RAD51C: variants seen among roughly 807,000 people sequenced by gnomAD.
The protein encoded by RAD51C is DNA repair protein RAD51 homolog 3.
Under a neutral mutation model 45.0 loss-of-function variants are expected in RAD51C, and 42 were observed. That is an observed-to-expected ratio of 0.93 (90% CI 0.73 to 1.21). RAD51C has a LOEUF of 1.21. Among genes scored for constraint, RAD51C ranks in the 50% most tolerant of loss-of-function variants. The pLI is 0.00. For missense variants in RAD51C, 474 were observed against 452.2 expected (o/e 1.05, Z -0.44); for synonymous variants, 172 against 159.8 (o/e 1.08, Z -0.58).
chr17:58,720,415 CA>C (rs1005727682), intron 5 of RAD51C, among the ~76,000 whole-genome samples: 45 of 110,442 alleles, frequency 4.1e-4, no homozygotes, highest in African/African-American at 7.5e-4. Flanking sequence ...GACTCTGTCT[CA>C]AAAAAAAAAA....
At chr17:58,717,836 G>T (rs914492383) in intron 5 of RAD51C, among the ~76,000 whole-genome samples, 10 of 152,188 alleles carry the variant, frequency 6.6e-5, no homozygotes, top group African/African-American at 2.4e-4. Context: ...ATGCCCTGTG[G>T]CATGTAAGGG....
At chr17:58,732,219 A>C in intron 7 of RAD51C, 1 of 355,424 alleles carries the variant, frequency 2.8e-6, no homozygotes, top group South Asian at 3.7e-5. Context: ...TAGCATAAGT[A>C]ATATCTCATC....
chr17:58,713,662 G>A, intron 5 of RAD51C, among the ~76,000 whole-genome samples: 1 of 152,044 alleles, frequency 6.6e-6, no homozygotes, highest in Non-Finnish European at 1.5e-5. Context: ...ACAAAAATTA[G>A]CCAGGTGTGT....
Position 58,692,652 on chromosome 17 carries a change from G to T in RAD51C, c.9G>T (p.Gly3=), listed in dbSNP as rs751117852. ...TAGCAGGTGAGCCTGCGATGCGCGG[G>T]AAGACGTTCCGCTTTGAAATGCAGC... MR[G]KTFRFEMQRD... Residue 3 remains glycine, a synonymous_variant, in exon 1 of 9, where the codon GGG becomes GGT. Transcript: ENST00000337432. 1.2e-6 allele frequency: 2 copies of T among 1,614,188 alleles called. No homozygotes were observed. The highest frequency in any genetic ancestry group is 1.3e-5 in the African/African-American group (1 of 75,068).
In RAD51C at chr17:58,703,275, A is replaced by T. The variant is rs757915374; in HGVS notation, c.651A>T (p.Thr217=). 1.2e-6 allele frequency: 2 copies of T among 1,610,400 alleles called. No individual in the cohort carries two copies. Among genetic ancestry groups the T allele is most frequent in the Non-Finnish European group, 1.7e-6 (2 of 1,176,734 alleles). The change falls in exon 4 of 9, where the codon ACA becomes ACT. Residue 217 remains threonine (T), a synonymous_variant. Coordinates refer to ENST00000337432, the MANE Select transcript of RAD51C (RefSeq NM_058216.3). ...HIYYFRCRDY[T]ELLAQVYLLP... ...ATTATTTTCGCTGTCGTGACTACACAGAGTTACTGGCACAAGTTTATCTTC... is the reference window on the plus strand; with the variant it reads ...ATTATTTTCGCTGTCGTGACTACACTGAGTTACTGGCACAAGTTTATCTTC...
intron 7 of RAD51C, among the ~76,000 whole-genome samples, chr17:58,726,758 A>G (rs1259874137): frequency 2.0e-5 from 3 of 152,094 alleles, no homozygotes; most frequent in Non-Finnish European, 4.4e-5. Flanking sequence ...GATCAGGCAC[A>G]TTCAGGGTGG....
chr17:58,726,427 T>A (rs1203923169), intron 7 of RAD51C, among the ~76,000 whole-genome samples: 1 of 150,332 alleles, frequency 6.7e-6, no homozygotes, highest in African/African-American at 2.5e-5. Context: ...TATATGTATA[T>A]ATGTGTATAC....
chr17:58,718,243 C>G (rs1466546942), intron 5 of RAD51C, among the ~76,000 whole-genome samples: 3 of 152,244 alleles, frequency 2.0e-5, no homozygotes, highest in African/African-American at 7.2e-5. Context: ...GGTGATCTAC[C>G]TGCCTCGGCC....
chr17:58,716,485 T>C (rs1232380247), intron 5 of RAD51C, among the ~76,000 whole-genome samples: 3 of 151,966 alleles, frequency 2.0e-5, no homozygotes, highest in East Asian at 3.9e-4. Context: ...TTTTTTGAGA[T>C]GGAGTCTCAC....
chr17:58,729,815 G>T (rs1015213503), intron 7 of RAD51C, among the ~76,000 whole-genome samples: 4 of 151,202 alleles, frequency 2.6e-5, no homozygotes, highest in African/African-American at 9.7e-5. Flanking sequence ...CAAGTGACCT[G>T]CCCACCTCAG....
chr17:58,697,679 G>A (rs2048067678), intron 3 of RAD51C, among the ~76,000 whole-genome samples: 1 of 151,790 alleles, frequency 6.6e-6, no homozygotes, highest in Admixed American at 6.6e-5. Flanking sequence ...GTGTTGTTTT[G>A]GTGCTTGTTA....
chr17:58,709,577 C>T, intron 4 of RAD51C: 2 of 258,894 alleles, frequency 7.7e-6, no homozygotes, highest in Non-Finnish European at 7.4e-6. Context: ...ATGTTTTTTT[C>T]TATCTAGTAA....
Position 58,734,702 on chromosome 17 carries a change from C to T in RAD51C, c.*480C>T, listed in dbSNP as rs2049583239. On this transcript the variant is annotated 3_prime_UTR_variant, in exon 9 of 9. Transcript: ENST00000337432. ...CTCCGCCTCCCAGGTTCAAGCGATT[C>T]ATCTGCCTCAGCCTCCCGAGTAGCT... 6.4e-6 allele frequency: 1 copy of T among 155,414 alleles called. No individual in the cohort carries two copies. The allele number at this position is 155,414 out of a possible 1,614,324, so 9.6% of individuals were successfully genotyped here.
intron 1 of RAD51C, 64 bp from the exon 2 acceptor site, chr17:58,694,867 G>T (rs1260654371): frequency 7.3e-7 from 1 of 1,374,748 alleles, no homozygotes; most frequent in South Asian, 1.2e-5. Context: ...AAAGACAATC[G>T]ATTATCATGT....
At chr17:58,695,270 C>A in intron 2 of RAD51C, 81 bp downstream of exon 2, 2 of 1,496,666 alleles carry the variant, frequency 1.3e-6, no homozygotes, top group Non-Finnish European at 8.9e-7. Flanking sequence ...GTCAGGAAAC[C>A]AAATAAGATA....
intron 5 of RAD51C, among the ~76,000 whole-genome samples, chr17:58,720,485 T>G (rs939340488): frequency 6.6e-6 from 1 of 152,064 alleles, no homozygotes; most frequent in Non-Finnish European, 1.5e-5. Context: ...TTTATTTATT[T>G]AGTGAGACAG....
At chr17:58,720,211 C>T (rs1209533831) in intron 5 of RAD51C, among the ~76,000 whole-genome samples, 9 of 149,764 alleles carry the variant, frequency 6.0e-5, no homozygotes, top group Admixed American at 4.7e-4. Context: ...CAGGAGATCG[C>T]GACCATCCTG....
chr17:58,695,140 A>G lies in RAD51C; in HGVS notation c.355A>G (p.Lys119Glu), dbSNP rs2143725834. 1 of 1,613,788 alleles carries G rather than the reference A, an allele frequency of 6.2e-7. No homozygotes were observed. Among genetic ancestry groups the G allele is most frequent in the Non-Finnish European group, 8.5e-7 (1 of 1,179,872 alleles). Residue 119 changes from lysine to glutamate, a missense_variant, in exon 2 of 9, where the codon AAA becomes GAA. By Grantham distance (56) the Lys-to-Glu change is moderately conservative. Coordinates refer to ENST00000337432, the MANE Select transcript of RAD51C (RefSeq NM_058216.3). ...TCTTGGGGGTGGAGTGCCCTTAATG[A>G]AAACAACAGAAATTTGTGGTGCACC... Reference protein sequence around the residue: ...DILGGGVPLMKTTEICGAPGV... With the variant: ...DILGGGVPLMETTEICGAPGV...
intron 4 of RAD51C, among the ~76,000 whole-genome samples, chr17:58,703,933 CTTTTTTTTTTTTT>C (rs67254535): frequency 9.0e-5 from 6 of 66,480 alleles, no homozygotes; most frequent in African/African-American, 2.6e-4. Context: ...CATGTATCAC[CTTTTTTTTTTTTT>C]TTTTTTTTTT....
Sources: allele counts gnomAD v4.1 joint callset (sites outside exome capture counted in the v4.1 genomes callset), GRCh38; gene constraint gnomAD v4.1.1; transcripts MANE v1.5; gene names NCBI Gene and HGNC (gene_info 2026-07-23, HGNC 2026-07-21).